Variants in NCAPD2 observed in about 807,000 individuals in gnomAD.
NCAPD2 encodes condensin complex subunit 1.
A neutral mutation model predicts 164.5 loss-of-function variants in NCAPD2; 100 were observed. The ratio of observed to expected loss-of-function variants is 0.61; its 90% CI spans 0.52 to 0.72. The LOEUF (loss-of-function observed/expected upper bound fraction) is 0.72, where lower values mean the gene tolerates loss of function less well. Among genes scored for constraint, NCAPD2 ranks in the 30% least tolerant of loss-of-function variants. The pLI is 0.00. For missense variants in NCAPD2, 1,560 were observed against 1,749.2 expected (o/e 0.89, Z 1.93); for synonymous variants, 585 against 642.6 (o/e 0.91, Z 1.36).
intron 9 of NCAPD2, among the ~76,000 whole-genome samples, chr12:6,516,473 G>C (rs1946201708): frequency 6.6e-6 from 1 of 152,208 alleles, no homozygotes; most frequent in Non-Finnish European, 1.5e-5. Context: ...CAGCACTCCA[G>C]CCTGGGCAAC....
intron 2 of NCAPD2, among the ~76,000 whole-genome samples, chr12:6,499,742 G>C (rs1946017912): frequency 6.6e-6 from 1 of 152,186 alleles, no homozygotes; most frequent in Non-Finnish European, 1.5e-5. Flanking sequence ...TTGACCACGG[G>C]TAACTGAAAC....
Position 6,528,675 on chromosome 12 carries a change from C to G in NCAPD2, c.3300-4C>G. On this transcript the variant is annotated splice_polypyrimidine_tract_variant and splice_region_variant and intron_variant, in intron 25 of 31. Transcript: ENST00000315579. The surrounding 1 kb of genome is among the most constrained non-coding windows in gnomAD (Gnocchi z 5.1). ...GTCCCCATGACCCGCAATTCCATTC[C>G]TAGTCTCCGGGACCCTGCTCAGCAA... 1 of 1,607,658 alleles carries G rather than the reference C, an allele frequency of 6.2e-7. No homozygotes were observed. The highest frequency in any genetic ancestry group is 8.5e-7 in the Non-Finnish European group (1 of 1,174,764).
intron 27 of NCAPD2, chr12:6,529,280 T>G (rs901931733): frequency 5.4e-5 from 33 of 615,312 alleles, no homozygotes; most frequent in Admixed American, 5.8e-5. Flanking sequence ...TAGCACTCAC[T>G]CCCTAGCAGC....
chr12:6,510,646 C>T lies in NCAPD2; in HGVS notation c.280C>T (p.Gln94Ter). Residue 94 changes from glutamine to a stop codon, truncating the protein, a stop_gained, in exon 5 of 32, where the codon CAG (glutamine) becomes TAG (stop). Transcript: ENST00000315579. LOFTEE classifies it high-confidence loss of function. ...FLIKVVSRHS[Q>*]ELPAILDDTT... The stretch of plus-strand genomic sequence containing the variant: ...CCTCACAGTGGTATCCCGCCACTCC[C>T]AGGAGCTTCCAGCTATCCTGGATGA... The T allele has an allele frequency of 1.2e-6, 2 of 1,614,158 alleles. No individual in the cohort carries two copies. Among genetic ancestry groups the T allele is most frequent in the Non-Finnish European group, 1.7e-6 (2 of 1,180,032 alleles).
At chr12:6,519,546 G>C (rs1425197275) in intron 13 of NCAPD2, among the ~76,000 whole-genome samples, 1 of 152,192 alleles carries the variant, frequency 6.6e-6, no homozygotes, top group South Asian at 2.1e-4. Flanking sequence ...ACACCACCAG[G>C]CCTGGCCTTT....
intron 2 of NCAPD2, among the ~76,000 whole-genome samples, chr12:6,496,796 C>G (rs1007680333): frequency 2.6e-5 from 4 of 152,138 alleles, no homozygotes; most frequent in Non-Finnish European, 4.4e-5. Context: ...TAGCTGGGAC[C>G]ACAGACATGT....
chr12:6,522,705 A>G, intron 15 of NCAPD2, 123 bp from the exon 16 acceptor site: 1 of 1,061,738 alleles, frequency 9.4e-7, no homozygotes, highest in Non-Finnish European at 1.4e-6. Flanking sequence ...GGAGGAGTCG[A>G]CATTCTCAGG....
At chr12:6,506,622 G>A (rs966748027) in intron 2 of NCAPD2, among the ~76,000 whole-genome samples, 5 of 151,362 alleles carry the variant, frequency 3.3e-5, no homozygotes, top group Non-Finnish European at 1.5e-5. Context: ...ATATTTTATG[G>A]TAGTAAATGA....
intron 14 of NCAPD2, 110 bp downstream of exon 14, chr12:6,521,220 C>T: frequency 2.3e-6 from 3 of 1,309,544 alleles, no homozygotes; most frequent in Non-Finnish European, 3.1e-6. Context: ...TGCTGAAGAG[C>T]CCAGAGATGA....
intron 10 of NCAPD2, 149 bp downstream of exon 10, chr12:6,517,174 A>AC: frequency 1.6e-6 from 2 of 1,239,772 alleles, no homozygotes; most frequent in Non-Finnish European, 2.3e-6. Context: ...TCTACCAAGG[A>AC]CGAGGATATC....
intron 13 of NCAPD2, among the ~76,000 whole-genome samples, chr12:6,518,648 G>A (rs1410324927): frequency 3.3e-5 from 5 of 149,312 alleles, no homozygotes; most frequent in Non-Finnish European, 7.4e-5. Context: ...AGCCTCCCAA[G>A]TAGCTGGGAC....
At chr12:6,500,179 C>T (rs945547001) in intron 2 of NCAPD2, among the ~76,000 whole-genome samples, 7 of 152,060 alleles carry the variant, frequency 4.6e-5, no homozygotes, top group African/African-American at 1.7e-4. Flanking sequence ...TAATCCCAAC[C>T]ACTTGGGAGG....
intron 2 of NCAPD2, among the ~76,000 whole-genome samples, chr12:6,508,023 AAATT>A (rs1946112610): frequency 1.3e-5 from 2 of 152,080 alleles, no homozygotes; most frequent in African/African-American, 4.8e-5. Context: ...TCGCTACAAA[AAATT>A]AACAGAAAAA....
At chr12:6,518,165 C>T in intron 13 of NCAPD2, 1 of 462,332 alleles carries the variant, frequency 2.2e-6, no homozygotes, top group South Asian at 3.2e-5. Context: ...TTTAAAAAAA[C>T]TACTGAAACA....
At chr12:6,499,116 A>C (rs1420208894) in intron 2 of NCAPD2, among the ~76,000 whole-genome samples, 1 of 152,188 alleles carries the variant, frequency 6.6e-6, no homozygotes. Context: ...CATCCCAGGC[A>C]GGAGGCGGCA....
At position 6,517,796 on chromosome 12, in the gene NCAPD2, G is replaced by C; in HGVS notation, c.1426G>C (p.Glu476Gln). ...TCATTTAGCTGCAGTGCTGGACCCA[G>C]AGGAGGAGTGGGAAGCCATGCTGCC... ...TAAASAVLDP[E>Q]EEWEAMLPEL... is the part of the protein sequence containing the mutation. The change falls in exon 13 of 32, where the codon GAG becomes CAG. Residue 476 changes from glutamate (E) to glutamine (Q), a missense_variant. By Grantham distance (29) the Glu-to-Gln change is conservative (BLOSUM62 2). Coordinates refer to ENST00000315579, the MANE Select transcript of NCAPD2 (RefSeq NM_014865.4). 6.2e-7 allele frequency: 1 copy of C among 1,614,190 alleles called. No homozygotes were observed. Among genetic ancestry groups the C allele is most frequent in the Non-Finnish European group, 8.5e-7 (1 of 1,180,022 alleles).
chr12:6,496,260 A>G (rs551957713), intron 2 of NCAPD2, among the ~76,000 whole-genome samples: 12 of 151,948 alleles, frequency 7.9e-5, no homozygotes, highest in Admixed American at 3.3e-4. Context: ...GGATTTCACC[A>G]TGTTGGCCAG....
intron 2 of NCAPD2, among the ~76,000 whole-genome samples, chr12:6,498,333 G>A (rs1272563866): frequency 6.6e-6 from 1 of 152,190 alleles, no homozygotes; most frequent in African/African-American, 2.4e-5. Flanking sequence ...CTGATCATGT[G>A]CTGTGTGCCA....
intron 17 of NCAPD2, among the ~76,000 whole-genome samples, chr12:6,524,648 CAAAAAA>C (rs35443041): frequency 6.2e-4 from 41 of 66,582 alleles, no homozygotes; most frequent in African/African-American, 1.9e-3. Flanking sequence ...GACTCTGTCT[CAAAAAA>C]AAAAAAAAAA....
Sources: gnomAD v4.1 joint callset for allele counts (sites outside exome capture counted in the v4.1 genomes callset) on GRCh38, gnomAD v4.1.1 for gene constraint, Gnocchi (gnomAD v3.1) non-coding constraint, MANE v1.5 for transcripts, NCBI Gene and HGNC (gene_info 2026-07-23, HGNC 2026-07-21) for gene names.